The following GNAQ variants were observed in gnomAD, a reference collection of about 807,000 sequenced individuals.
GNAQ encodes guanine nucleotide-binding protein G(q) subunit alpha.
GNAQ carries 8 observed loss-of-function variants against 43.9 expected under a neutral mutation model. That is an observed-to-expected ratio of 0.18 (90% CI 0.11 to 0.33). GNAQ has a LOEUF of 0.33. Ranked by LOEUF, GNAQ falls within the 10% of genes least tolerant of loss-of-function variation. The pLI, the probability that GNAQ is intolerant of heterozygous loss-of-function variation, is 1.00. For missense variants in GNAQ, 158 were observed against 450.8 expected, an observed-to-expected ratio of 0.35 and a Z score of 5.88; for synonymous variants, 155 against 170.7, an observed-to-expected ratio of 0.91 and a Z score of 0.71.
At chr9:77,779,783 C>T (rs1363020407) in intron 5 of GNAQ, among the ~76,000 whole-genome samples, 1 of 148,886 alleles carries the variant, frequency 6.7e-6, no homozygotes, top group Non-Finnish European at 1.5e-5. Context: ...AATCAAGGAA[C>T]ACTAGAAAAA....
chr9:77,761,233 AG>A (rs1826008874), intron 5 of GNAQ, among the ~76,000 whole-genome samples: 2 of 132,032 alleles, frequency 1.5e-5, no homozygotes, highest in Non-Finnish European at 3.2e-5. Context: ...GGAAGTGAGG[AG>A]CCCCTCTGCC....
At chr9:77,731,641 C>T (rs1564093727) in intron 5 of GNAQ, among the ~76,000 whole-genome samples, 1 of 152,216 alleles carries the variant, frequency 6.6e-6, no homozygotes, top group Non-Finnish European at 1.5e-5. Context: ...TGAATGCACA[C>T]TCAACTTTGT....
intron 2 of GNAQ, among the ~76,000 whole-genome samples, chr9:77,868,072 A>G (rs942089324): frequency 5.3e-5 from 8 of 152,230 alleles, no homozygotes; most frequent in African/African-American, 1.9e-4. Flanking sequence ...CATAGATGCA[A>G]TAAGGAGAAG....
At chr9:77,750,749 AT>A (rs1461782568) in intron 5 of GNAQ, among the ~76,000 whole-genome samples, 4 of 152,094 alleles carry the variant, frequency 2.6e-5, no homozygotes, top group East Asian at 1.9e-4. Context: ...TTTCTTTGTA[AT>A]TGGTCATGTA....
intron 2 of GNAQ, among the ~76,000 whole-genome samples, chr9:77,820,300 C>G (rs1013898487): frequency 1.3e-5 from 2 of 152,118 alleles, no homozygotes; most frequent in Non-Finnish European, 2.9e-5. Flanking sequence ...AAAACTTGGA[C>G]GTGAACTGTA....
At chr9:77,741,331 CTTATAATT>C (rs144651644) in intron 5 of GNAQ, among the ~76,000 whole-genome samples, 1,918 of 152,272 alleles carry the variant, frequency 0.013, 37 homozygotes, top group African/African-American at 0.044. Flanking sequence ...AGCATATTTA[CTTATAATT>C]TATGTTTGTA....
At chr9:77,860,126 C>T (rs1010343168) in intron 2 of GNAQ, among the ~76,000 whole-genome samples, 2 of 152,188 alleles carry the variant, frequency 1.3e-5, no homozygotes, top group African/African-American at 4.8e-5. Context: ...CATATTAAAG[C>T]TGCCCTAGAA....
intron 3 of GNAQ, among the ~76,000 whole-genome samples, chr9:77,811,629 A>T (rs1826927310): frequency 6.6e-6 from 1 of 152,190 alleles, no homozygotes. Context: ...CACAGCAGCA[A>T]ATGAGTGACT....
At chr9:77,995,897 A>C (rs1348406585) in intron 1 of GNAQ, among the ~76,000 whole-genome samples, 2 of 152,250 alleles carry the variant, frequency 1.3e-5, no homozygotes, top group Non-Finnish European at 2.9e-5. Flanking sequence ...AGAAGACACA[A>C]CTTGATAAAT....
intron 2 of GNAQ, among the ~76,000 whole-genome samples, chr9:77,882,602 G>A (rs1048790608): frequency 3.3e-5 from 5 of 152,220 alleles, no homozygotes; most frequent in Non-Finnish European, 5.9e-5. Context: ...CACAGGGCTA[G>A]AGAAGATGGC....
chr9:77,818,136 T>A (rs905968584), intron 2 of GNAQ, among the ~76,000 whole-genome samples: 27 of 152,194 alleles, frequency 1.8e-4, no homozygotes, highest in African/African-American at 6.5e-4. Flanking sequence ...TACTCAGAAG[T>A]CAACCTCCAT....
chr9:77,857,262 T>C (rs1236665895), intron 2 of GNAQ, among the ~76,000 whole-genome samples: 1 of 152,224 alleles, frequency 6.6e-6, no homozygotes, highest in Non-Finnish European at 1.5e-5. Flanking sequence ...GATTACTCTG[T>C]TGTGAAATTC....
intron 2 of GNAQ, among the ~76,000 whole-genome samples, chr9:77,911,684 T>C (rs1044345486): frequency 6.6e-6 from 1 of 152,188 alleles, no homozygotes; most frequent in Non-Finnish European, 1.5e-5. Context: ...GGGATTCTGA[T>C]GCAAAATCCG....
chr9:78,001,780 A>C (rs138349429), intron 1 of GNAQ, among the ~76,000 whole-genome samples: 196 of 152,308 alleles, frequency 1.3e-3, no homozygotes, highest in Non-Finnish European at 1.8e-3. Context: ...CAAATAAAGA[A>C]GCTGTGTTTC....
chr9:77,857,341 G>T (rs1199273349), intron 2 of GNAQ, among the ~76,000 whole-genome samples: 1 of 152,144 alleles, frequency 6.6e-6, no homozygotes, highest in Non-Finnish European at 1.5e-5. Flanking sequence ...GCGGTGTACA[G>T]CTCCCTGAAA....
At chr9:77,793,499 G>A (rs900728191) in intron 5 of GNAQ, among the ~76,000 whole-genome samples, 7 of 152,124 alleles carry the variant, frequency 4.6e-5, no homozygotes, top group African/African-American at 1.7e-4. Context: ...AAAAGAACCA[G>A]TCAGGAATTC....
At chr9:77,886,405 A>G (rs1587387352) in intron 2 of GNAQ, among the ~76,000 whole-genome samples, 1 of 146,560 alleles carries the variant, frequency 6.8e-6, no homozygotes, top group East Asian at 2.0e-4. Flanking sequence ...AAAAAAAAGC[A>G]TCTTAGTGGT....
intron 2 of GNAQ, among the ~76,000 whole-genome samples, chr9:77,857,273 A>AT (rs1337921639): frequency 2.6e-5 from 4 of 152,214 alleles, no homozygotes; most frequent in African/African-American, 4.8e-5. Flanking sequence ...TGTGAAATTC[A>AT]ATCACTTTCA....
intron 2 of GNAQ, among the ~76,000 whole-genome samples, chr9:77,823,129 T>C (rs1336733620): frequency 1.3e-5 from 2 of 151,790 alleles, no homozygotes; most frequent in African/African-American, 2.4e-5. Flanking sequence ...TTAGTAGAGA[T>C]GGGGTTTCAC....
Sources: allele counts gnomAD v4.1 joint callset (sites outside exome capture counted in the v4.1 genomes callset), GRCh38; gene constraint gnomAD v4.1.1; transcripts MANE v1.5; gene names NCBI Gene and HGNC (gene_info 2026-07-23, HGNC 2026-07-21).